Variants in CSMD2 observed in about 807,000 individuals in gnomAD.
CSMD2 encodes CUB and Sushi multiple domains 2.
A neutral mutation model predicts 398.5 loss-of-function variants in CSMD2; 130 were observed. The observed-to-expected ratio is 0.33, with a 90% CI of 0.28 to 0.38. CSMD2 has a LOEUF of 0.38. Ranked by LOEUF, CSMD2 falls within the 10% of genes least tolerant of loss-of-function variation. The pLI, the probability that CSMD2 is intolerant of heterozygous loss-of-function variation, is 1.00. For synonymous variants in CSMD2, 1,828 were observed against 1,908.5 expected (o/e 0.96, Z 1.10); for missense variants, 3,829 against 4,764.9 (o/e 0.80, Z 5.78).
At position 33,774,650 on chromosome 1, in the gene CSMD2, C is replaced by T. The variant is rs184663870; in HGVS notation, c.1664-1899G>A. ...GGGGCAGAACCCAGATATAAGGTTT[C>T]CTAGTGAGGCCCCACCATTGCTGCA... On this transcript the variant is annotated intron_variant, in intron 12 of 70. Transcript: ENST00000373381. 3.3e-3 allele frequency among the ~76,000 whole-genome samples: 505 copies of T among 152,300 alleles called. 3 individuals are homozygous for T. The highest frequency in any genetic ancestry group is 5.1e-3 in the Non-Finnish European group (347 of 68,010).
At chr1:33,706,577 C>T (rs915229288) in intron 22 of CSMD2, among the ~76,000 whole-genome samples, 7 of 152,124 alleles carry the variant, frequency 4.6e-5, no homozygotes, top group African/African-American at 1.2e-4. Context: ...GCTCTGATTC[C>T]GAAGACATGT....
chr1:33,571,446 C>A (rs867303212), intron 51 of CSMD2, 86 bp downstream of exon 51: 7 of 1,079,794 alleles, frequency 6.5e-6, no homozygotes, highest in Middle Eastern at 6.7e-4. Context: ...ACCCCTTTTT[C>A]CCCCACCCCA....
Position 33,636,212 on chromosome 1 carries a change from T to C in CSMD2, c.4969+148A>G, listed in dbSNP as rs1308304385. ...CCTAGTGAATTATAAGCCACTTCTATACACATCCACGGCAAACCCAGGTTT... is the reference window on the plus strand; with the variant it reads ...CCTAGTGAATTATAAGCCACTTCTACACACATCCACGGCAAACCCAGGTTT... On this transcript the variant is annotated intron_variant, in intron 30 of 70. Transcript: ENST00000373381. This position sits in a 1 kb window ranked among gnomAD's most constrained non-coding sequence, Gnocchi z 4.8. 2.9e-6 allele frequency: 2 copies of C among 680,270 alleles called. No homozygotes were observed. Among genetic ancestry groups the C allele is most frequent in the Non-Finnish European group, 4.9e-6 (2 of 404,240 alleles). The allele number at this position is 680,270 out of a possible 1,614,324, so 42.1% of individuals were successfully genotyped here.
chr1:34,070,787 C>A (rs886691534), intron 2 of CSMD2, among the ~76,000 whole-genome samples: 1 of 150,586 alleles, frequency 6.6e-6, no homozygotes, highest in African/African-American at 2.4e-5. Flanking sequence ...GTCCAGATTT[C>A]TTTATCTCTG....
At chr1:33,777,126 G>A (rs1033274544) in intron 12 of CSMD2, among the ~76,000 whole-genome samples, 8 of 152,282 alleles carry the variant, frequency 5.3e-5, no homozygotes, top group South Asian at 2.1e-4. Flanking sequence ...GCAAGCATAC[G>A]AGCCCCTCTC....
At chr1:34,063,403 G>A (rs1014584069) in intron 2 of CSMD2, among the ~76,000 whole-genome samples, 11 of 152,190 alleles carry the variant, frequency 7.2e-5, no homozygotes, top group African/African-American at 1.9e-4. Context: ...GCTACATGGC[G>A]GTACAGGTAT....
chr1:33,583,853 C>T (rs148574155), intron 46 of CSMD2, 23 bp from the exon 47 acceptor site: 1 of 1,605,512 alleles, frequency 6.2e-7, no homozygotes, highest in Non-Finnish European at 8.5e-7. Context: ...AAGAGAAACA[C>T]CAAGTACGTG....
At chr1:33,596,031 A>G (rs2148785566) in intron 44 of CSMD2, among the ~76,000 whole-genome samples, 1 of 152,336 alleles carries the variant, frequency 6.6e-6, no homozygotes, top group Non-Finnish European at 1.5e-5. Context: ...ATTCAAATTT[A>G]ACACCATTGG....
chr1:34,107,221 G>A (rs939234817), intron 1 of CSMD2, among the ~76,000 whole-genome samples: 4 of 152,138 alleles, frequency 2.6e-5, no homozygotes, highest in Admixed American at 2.0e-4. Flanking sequence ...ACGGGACAAT[G>A]GCTAAGCACA....
At chr1:33,949,259 G>A (rs1176572746) in intron 3 of CSMD2, among the ~76,000 whole-genome samples, 1 of 152,190 alleles carries the variant, frequency 6.6e-6, no homozygotes, top group Non-Finnish European at 1.5e-5. Flanking sequence ...TTACATATAA[G>A]CCCCTGGATT....
At chr1:33,781,856 G>A (rs1237092137) in intron 12 of CSMD2, among the ~76,000 whole-genome samples, 1 of 152,094 alleles carries the variant, frequency 6.6e-6, no homozygotes, top group African/African-American at 2.4e-5. Context: ...GACTGGCTCA[G>A]AGTGCTCAGA....
intron 25 of CSMD2, among the ~76,000 whole-genome samples, chr1:33,667,304 C>T (rs1474952765): frequency 1.3e-5 from 2 of 152,156 alleles, no homozygotes; most frequent in African/African-American, 4.8e-5. Flanking sequence ...TGAAGGAAAA[C>T]GTGTTTCCAT....
intron 24 of CSMD2, 37 bp downstream of exon 24, chr1:33,698,716 G>C: frequency 6.3e-7 from 1 of 1,576,960 alleles, no homozygotes; most frequent in Non-Finnish European, 8.6e-7. Context: ...TATTATGGGA[G>C]ACCCAAGGGT....
intron 5 of CSMD2, among the ~76,000 whole-genome samples, chr1:33,899,541 C>T (rs1229270022): frequency 6.6e-6 from 1 of 152,160 alleles, no homozygotes; most frequent in Non-Finnish European, 1.5e-5. Context: ...CCTGGCATGT[C>T]GTTGGTACCC....
chr1:33,868,402 C>T (rs995595635), intron 5 of CSMD2, among the ~76,000 whole-genome samples: 1 of 152,140 alleles, frequency 6.6e-6, no homozygotes, highest in African/African-American at 2.4e-5. Flanking sequence ...AACAAGGTTC[C>T]TCATCTCTCA....
chr1:34,028,327 TAAATA>T (rs1006509106), intron 3 of CSMD2, among the ~76,000 whole-genome samples: 1 of 152,216 alleles, frequency 6.6e-6, no homozygotes, highest in East Asian at 1.9e-4. Flanking sequence ...AAAAACTAAA[TAAATA>T]AAATAAAATA....
At chr1:33,892,191 A>C (rs1642071262) in intron 5 of CSMD2, among the ~76,000 whole-genome samples, 1 of 151,900 alleles carries the variant, frequency 6.6e-6, no homozygotes, top group African/African-American at 2.4e-5. Flanking sequence ...TATAATTTGC[A>C]TTTAAAGTCA....
intron 22 of CSMD2, among the ~76,000 whole-genome samples, chr1:33,708,698 C>T (rs1317572096): frequency 6.6e-6 from 1 of 151,756 alleles, no homozygotes; most frequent in Non-Finnish European, 1.5e-5. Context: ...ACCTCCCTGG[C>T]TCAAGTGACC....
intron 50 of CSMD2, among the ~76,000 whole-genome samples, chr1:33,572,290 T>C (rs1156828077): frequency 6.6e-6 from 1 of 152,136 alleles, no homozygotes; most frequent in South Asian, 2.1e-4. Flanking sequence ...CTAAGTTCCA[T>C]GGTGGTTTGT....
Sources: allele counts gnomAD v4.1 joint callset (sites outside exome capture counted in the v4.1 genomes callset), GRCh38; gene constraint gnomAD v4.1.1; non-coding constraint Gnocchi (gnomAD v3.1); transcripts MANE v1.5; gene names NCBI Gene and HGNC (gene_info 2026-07-23, HGNC 2026-07-21).